The following ITGB8 variants were observed in gnomAD, a reference collection of about 807,000 sequenced individuals.
The protein encoded by ITGB8 is integrin subunit beta 8.
In ITGB8, 30 loss-of-function variants were observed where a neutral mutation model predicts 89.5. The observed-to-expected ratio is 0.34, with a 90% CI of 0.25 to 0.45. ITGB8 has a LOEUF of 0.45. ITGB8 is among the 20% of genes least tolerant of loss of function. ITGB8 has a pLI of 1.00. For missense variants in ITGB8, 836 were observed against 933.3 expected (o/e 0.90, Z 1.36); for synonymous variants, 335 against 320.4 (o/e 1.05, Z -0.49).
intron 3 of ITGB8, among the ~76,000 whole-genome samples, chr7:20,372,582 G>A (rs1386549799): frequency 6.6e-6 from 1 of 152,158 alleles, no homozygotes; most frequent in Non-Finnish European, 1.5e-5. Flanking sequence ...AGAGATAGGG[G>A]TTGGAGATAG....
intron 3 of ITGB8, among the ~76,000 whole-genome samples, chr7:20,375,001 T>C (rs967926523): frequency 6.6e-6 from 1 of 152,178 alleles, no homozygotes; most frequent in Non-Finnish European, 1.5e-5. Flanking sequence ...CAAGGATGGA[T>C]AGGAGTATAT....
Position 20,331,237 on chromosome 7 carries a change from A to C in ITGB8, c.-570A>C. Reference sequence around the variant, plus strand: ...CAGACGGGGCTGCAAAGCTGCAACTAATGGTGTTGGCCTCCCTGCCCACCT... The same window carrying C: ...CAGACGGGGCTGCAAAGCTGCAACTCATGGTGTTGGCCTCCCTGCCCACCT... On this transcript the variant is annotated 5_prime_UTR_variant, in exon 1 of 14. Coordinates refer to ENST00000222573, the MANE Select transcript of ITGB8 (RefSeq NM_002214.3). 1 of 247,080 alleles carries C rather than the reference A, an allele frequency of 4.0e-6. No individual in the cohort carries two copies. The allele number at this position is 247,080 out of a possible 1,614,324, so 15.3% of individuals were successfully genotyped here.
Position 20,379,526 on chromosome 7 carries a change from C to CAAAA in ITGB8, c.635+234_635+237dup, listed in dbSNP as rs34759507. 11 of 178,876 alleles carry CAAAA rather than the reference C, an allele frequency of 6.1e-5. No homozygotes were observed. The East Asian group carries it at 9.1e-4, about 15-fold the overall frequency. The allele number at this position is 178,876 out of a possible 1,614,324, so 11.1% of individuals were successfully genotyped here. On this transcript the variant is annotated intron_variant, in intron 4 of 13. Coordinates refer to ENST00000222573, the MANE Select transcript of ITGB8 (RefSeq NM_002214.3). ...TAAATATTTAGTCAGTTTTTATCAC[C>CAAAA]AAAAAAAACAAAAAAACAAACAAAA...
chr7:20,414,307 A>G lies in ITGB8; in HGVS notation c.*4310A>G, dbSNP rs192945296. 116 of 152,290 alleles carry G rather than the reference A, an allele frequency of 7.6e-4. No individual in the cohort carries two copies. Among genetic ancestry groups the G allele is most frequent in the African/African-American group, 2.5e-3 (106 of 41,588 alleles). The allele number at this position is 152,290 out of a possible 1,614,324, so 9.4% of individuals were successfully genotyped here. A position where few individuals can be genotyped will look rare whatever the true frequency, so the allele number is the denominator to read the frequency against. ...AACTGATTATCAGCTCAGATCCCGC[A>G]TATCTTGAGTTTACAAAAGCTCTTT... On this transcript the variant is annotated 3_prime_UTR_variant, in exon 14 of 14. Transcript: ENST00000222573.
chr7:20,352,398 C>G (rs1203157656), intron 1 of ITGB8: 1 of 152,190 alleles, frequency 6.6e-6, no homozygotes, highest in African/African-American at 2.4e-5. Flanking sequence ...AACTACTCTT[C>G]TTGTATGTTG....
intron 1 of ITGB8, among the ~76,000 whole-genome samples, chr7:20,350,276 T>G (rs1028510220): frequency 2.0e-4 from 30 of 152,102 alleles, no homozygotes; most frequent in African/African-American, 5.6e-4. Flanking sequence ...GCCTCCTGAG[T>G]AGCTGAGATT....
At chr7:20,330,401 G>A (rs1251905319), upstream of ITGB8, among the ~76,000 whole-genome samples, 1 of 152,170 alleles carries the variant, frequency 6.6e-6, no homozygotes, top group African/African-American at 2.4e-5. Context: ...GGCGAGCAGC[G>A]CGGGGGTGAG....
At chr7:20,332,719 T>A (rs1784448194) in intron 1 of ITGB8, among the ~76,000 whole-genome samples, 1 of 152,210 alleles carries the variant, frequency 6.6e-6, no homozygotes, top group Non-Finnish European at 1.5e-5. Flanking sequence ...AAAGGAAAGT[T>A]CAAGTCAAAT....
chr7:20,399,811 A>G (rs1487366305), intron 9 of ITGB8, among the ~76,000 whole-genome samples: 1 of 152,216 alleles, frequency 6.6e-6, no homozygotes, highest in Admixed American at 6.5e-5. Context: ...CTTTTAATCT[A>G]AAGTGCAATG....
chr7:20,348,627 G>T (rs1304848722), intron 1 of ITGB8, among the ~76,000 whole-genome samples: 1 of 152,232 alleles, frequency 6.6e-6, no homozygotes, highest in African/African-American at 2.4e-5. Flanking sequence ...GTAGTGAGGT[G>T]TTGGGGGTGA....
chr7:20,408,112 C>T (rs1302045555), intron 12 of ITGB8, among the ~76,000 whole-genome samples: 2 of 152,178 alleles, frequency 1.3e-5, no homozygotes, highest in Non-Finnish European at 2.9e-5. Context: ...GATCAAGCCA[C>T]GTGCCCCCTC....
chr7:20,344,421 A>G (rs1187982574), intron 1 of ITGB8, among the ~76,000 whole-genome samples: 2 of 152,224 alleles, frequency 1.3e-5, no homozygotes, highest in African/African-American at 4.8e-5. Context: ...CTTAAAATGC[A>G]TCAGCATAAA....
At chr7:20,377,984 T>C (rs1332828471) in intron 3 of ITGB8, among the ~76,000 whole-genome samples, 1 of 152,246 alleles carries the variant, frequency 6.6e-6, no homozygotes, top group African/African-American at 2.4e-5. Flanking sequence ...TGAATGTTTA[T>C]TTTAAAAATG....
At chr7:20,403,224 A>G (rs149342954) in intron 10 of ITGB8, among the ~76,000 whole-genome samples, 5 of 152,320 alleles carry the variant, frequency 3.3e-5, no homozygotes, top group African/African-American at 1.2e-4. Context: ...GATGGATTAT[A>G]GATGACTTTA....
At chr7:20,381,444 G>C (rs1033869163) in intron 5 of ITGB8, 7 of 218,214 alleles carry the variant, frequency 3.2e-5, no homozygotes, top group Non-Finnish European at 6.3e-5. Flanking sequence ...TTACAGGCAT[G>C]AGCCACCGTG....
chr7:20,400,422 C>T (rs888210099), intron 9 of ITGB8, among the ~76,000 whole-genome samples: 1 of 152,080 alleles, frequency 6.6e-6, no homozygotes, highest in African/African-American at 2.4e-5. Flanking sequence ...AAGCATAACA[C>T]CAACTGTATT....
At chr7:20,406,549 T>TAA (rs35654498) in intron 12 of ITGB8, among the ~76,000 whole-genome samples, 1 of 148,366 alleles carries the variant, frequency 6.7e-6, no homozygotes, top group African/African-American at 2.5e-5. Context: ...GAACCCCATT[T>TAA]AAAAAAAAAA....
chr7:20,346,327 G>T (rs1328949572), intron 1 of ITGB8, among the ~76,000 whole-genome samples: 3 of 152,204 alleles, frequency 2.0e-5, no homozygotes, highest in Admixed American at 2.0e-4. Flanking sequence ...AATGGACTAT[G>T]AATTTCAGAG....
At position 20,380,734 on chromosome 7, in the gene ITGB8, C is replaced by G. The variant is rs1355869654; in HGVS notation, c.704C>G (p.Thr235Ser). ...IHVLSLTENITEFEKAVHRQK... is the reference protein window; with the variant it reads ...IHVLSLTENISEFEKAVHRQK... ...GTGCTGTCTTTGACAGAGAACATCA[C>G]TGAGTTTGAGAAAGCAGTTCATAGA... is the stretch of plus-strand genomic sequence containing the variant. Residue 235 changes from threonine to serine, a missense_variant, in exon 5 of 14, where the codon ACT (threonine) becomes AGT (serine). By Grantham distance (58) the Thr-to-Ser change is moderately conservative. Transcript: ENST00000222573. The G allele has an allele frequency of 6.2e-7, 1 of 1,613,102 alleles. No individual in the cohort carries two copies. The highest frequency in any genetic ancestry group is 1.7e-5 in the Admixed American group (1 of 60,010).
Sources: allele counts gnomAD v4.1 joint callset (sites outside exome capture counted in the v4.1 genomes callset), GRCh38; gene constraint gnomAD v4.1.1; transcripts MANE v1.5; gene names NCBI Gene and HGNC (gene_info 2026-07-23, HGNC 2026-07-21).